Variants in SEPTIN9 observed in about 807,000 individuals in gnomAD.
SEPTIN9 encodes septin 9, also known as septin-9.
A neutral mutation model predicts 56.6 loss-of-function variants in SEPTIN9; 13 were observed. The ratio of observed to expected loss-of-function variants is 0.23; its 90% CI spans 0.15 to 0.37. The LOEUF is 0.37. Ranked by LOEUF, SEPTIN9 falls within the 10% of genes least tolerant of loss-of-function variation. The probability of loss-of-function intolerance (pLI) is 1.00; values close to 1 mark genes in which losing one functional copy is unlikely to be tolerated. For synonymous variants in SEPTIN9, 332 were observed against 334.1 expected (o/e 0.99, Z 0.07); for missense variants, 650 against 823.1 (o/e 0.79, Z 2.57).
At position 77,400,657 on chromosome 17, in the gene SEPTIN9, C is replaced by G. The variant is rs2035868165; in HGVS notation, c.77-1402C>G. On this transcript the variant is annotated intron_variant, in intron 2 of 11. Coordinates refer to ENST00000427177, the MANE Select transcript of SEPTIN9 (RefSeq NM_001113491.2). The surrounding 1 kb of genome is among the most constrained non-coding windows in gnomAD (Gnocchi z 4.1). The stretch of plus-strand genomic sequence containing the variant: ...TGGGGGCTGGGGACCAGCTGTCATC[C>G]CTTTTCCTGTGGGCAGGGGAGGCAG... 3 of 152,404 alleles carry G rather than the reference C, an allele frequency of 2.0e-5. No individual in the cohort carries two copies. The South Asian group carries it at 6.2e-4, about 31-fold the overall frequency. 9.4% of individuals were successfully genotyped at this position (152,404 alleles called of 1,614,324 possible). A position where few individuals can be genotyped will look rare whatever the true frequency, so the allele number is the denominator to read the frequency against.
At chr17:77,477,777 A>AG (rs1372460676) in intron 3 of SEPTIN9, among the ~76,000 whole-genome samples, 1 of 152,198 alleles carries the variant, frequency 6.6e-6, no homozygotes, top group Non-Finnish European at 1.5e-5. Flanking sequence ...CGGAGCCGGG[A>AG]GGGAAGCTCT....
chr17:77,377,414 A>C (rs1316109702), intron 2 of SEPTIN9, among the ~76,000 whole-genome samples: 1 of 152,108 alleles, frequency 6.6e-6, no homozygotes, highest in East Asian at 1.9e-4. Flanking sequence ...AAGCCTTTCC[A>C]AGTACCAGCT....
chr17:77,350,243 C>A (rs420174), intron 2 of SEPTIN9, among the ~76,000 whole-genome samples: 124,045 of 151,700 alleles, frequency 0.82, 51,314 homozygotes, highest in East Asian at 0.99. Context: ...CAGGGTTGGG[C>A]GGGAAGCCTG....
rs547519623 is a variant in SEPTIN9, at chr17:77,319,020, G to A, written c.76+11823G>A. 6.6e-5 allele frequency among the ~76,000 whole-genome samples: 10 copies of A among 152,360 alleles called. No individual in the cohort carries two copies. The highest frequency in any genetic ancestry group is 1.3e-4 in the Admixed American group (2 of 15,308). On this transcript the variant is annotated intron_variant, in intron 2 of 11. Coordinates refer to ENST00000427177, the MANE Select transcript of SEPTIN9 (RefSeq NM_001113491.2). This position sits in a 1 kb window ranked among gnomAD's most constrained non-coding sequence, Gnocchi z 5.3. ...TGTGCGGCCAGGCAGGAAGGCTTCC[G>A]TGGTGCGGCCACGCGTCCTCCCTTT... is the stretch of plus-strand genomic sequence containing the variant.
At position 77,499,038 on chromosome 17, in the gene SEPTIN9, C is replaced by T; in HGVS notation, c.*380C>T. On this transcript the variant is annotated 3_prime_UTR_variant, in exon 12 of 12. Coordinates refer to ENST00000427177, the MANE Select transcript of SEPTIN9 (RefSeq NM_001113491.2). Reference sequence around the variant, plus strand: ...GGGTGGGGGCCAGGCCTCGCACTTGCAGAGGAGCCCAGTGGGCTGCACGCT... The same window carrying T: ...GGGTGGGGGCCAGGCCTCGCACTTGTAGAGGAGCCCAGTGGGCTGCACGCT... 1.9e-6 allele frequency: 1 copy of T among 538,182 alleles called. No individual in the cohort carries two copies. Among genetic ancestry groups the T allele is most frequent in the South Asian group, 1.5e-5 (1 of 65,246 alleles). 33.3% of individuals were successfully genotyped at this position (538,182 alleles called of 1,614,324 possible).
In SEPTIN9 at chr17:77,499,061, G is replaced by T. The variant is rs1028736265; in HGVS notation, c.*403G>T. The T allele has an allele frequency of 1.9e-6, 1 of 536,866 alleles. No individual in the cohort carries two copies. Among genetic ancestry groups the T allele is most frequent in the South Asian group, 1.5e-5 (1 of 65,204 alleles). The allele number at this position is 536,866 out of a possible 1,614,324, so 33.3% of individuals were successfully genotyped here. On this transcript the variant is annotated 3_prime_UTR_variant, in exon 12 of 12. Coordinates refer to ENST00000427177, the MANE Select transcript of SEPTIN9 (RefSeq NM_001113491.2). ...TGCAGAGGAGCCCAGTGGGCTGCACGCTCCCCTCCATCCCCATCGGCCCTG... is the reference window on the plus strand; with the variant it reads ...TGCAGAGGAGCCCAGTGGGCTGCACTCTCCCCTCCATCCCCATCGGCCCTG...
In SEPTIN9 at chr17:77,433,569, T is replaced by C. The variant is rs1358892905; in HGVS notation, c.721+30866T>C. ...AGGCCCAGCATGGCCATGCCGGAAA[T>C]AGCAGCATCGTCCCCCTCACTGTCC... is the stretch of plus-strand genomic sequence containing the variant. On this transcript the variant is annotated intron_variant, in intron 3 of 11. Transcript: ENST00000427177. This position sits in a 1 kb window ranked among gnomAD's most constrained non-coding sequence, Gnocchi z 6.4. Among the ~76,000 whole-genome samples the C allele has an allele frequency of 1.3e-5, 2 of 151,002 alleles. No homozygotes were observed. The highest frequency in any genetic ancestry group is 3.0e-5 in the Non-Finnish European group (2 of 67,750).
Position 77,399,024 on chromosome 17 carries a change from TG to T in SEPTIN9, c.77-3033del, listed in dbSNP as rs142302429. ...GGCACACATGTGCATTTTGCGCAGA[TG>T]GCCAAGGTGGTGAGGCGCCAGCCAC... On this transcript the variant is annotated intron_variant, in intron 2 of 11. Coordinates refer to ENST00000427177, the MANE Select transcript of SEPTIN9 (RefSeq NM_001113491.2). Among the ~76,000 whole-genome samples the T allele has an allele frequency of 5.9e-3, 893 of 152,282 alleles. 10 individuals are homozygous for T. The highest frequency in any genetic ancestry group is 0.02 in the African/African-American group (849 of 41,552).
rs566509630 is a variant in SEPTIN9 at position 77,434,601 on chromosome 17, C to T, written c.721+31898C>T. On this transcript the variant is annotated intron_variant, in intron 3 of 11. Transcript: ENST00000427177. This position sits in a 1 kb window ranked among gnomAD's most constrained non-coding sequence, Gnocchi z 5.0. ...AGGTAGTCCCCTGTGGTTGAAGGTGCCCTGGCAGGACCTGCACCATGACCC... is the reference window on the plus strand; with the variant it reads ...AGGTAGTCCCCTGTGGTTGAAGGTGTCCTGGCAGGACCTGCACCATGACCC... 2.0e-5 allele frequency among the ~76,000 whole-genome samples: 3 copies of T among 152,278 alleles called. No homozygotes were observed. The highest frequency in any genetic ancestry group is 6.5e-5 in the Admixed American group (1 of 15,310).
Position 77,423,649 on chromosome 17 carries a change from C to A in SEPTIN9, c.721+20946C>A, listed in dbSNP as rs569533096. ...CAGCGCCTCCCCTTCCCCGGCTCCG[C>A]GCGGAGATCACGTGGCTTGCGCTGA... On this transcript the variant is annotated intron_variant, in intron 3 of 11. Transcript: ENST00000427177. 1.3e-4 allele frequency among the ~76,000 whole-genome samples: 20 copies of A among 152,326 alleles called. No individual in the cohort carries two copies. The South Asian group carries it at 4.1e-3, about 32-fold the overall frequency.
At chr17:77,482,625 T>A in intron 4 of SEPTIN9, 1 of 635,430 alleles carries the variant, frequency 1.6e-6, no homozygotes, top group East Asian at 2.7e-5. Context: ...TCGCTGCCTC[T>A]GAGCAATGAC....
chr17:77,409,613 C>A (rs910189067), intron 3 of SEPTIN9, among the ~76,000 whole-genome samples: 2 of 152,226 alleles, frequency 1.3e-5, no homozygotes, highest in African/African-American at 4.8e-5. Context: ...GGAGCCCCGG[C>A]CCCCAGACAC....
chr17:77,451,423 G>A lies in SEPTIN9; in HGVS notation c.722-30721G>A. 1.0e-6 allele frequency: 1 copy of A among 985,618 alleles called. No homozygotes were observed. The allele number at this position is 985,618 out of a possible 1,614,324, so 61.1% of individuals were successfully genotyped here. On this transcript the variant is annotated intron_variant, in intron 3 of 11. Coordinates refer to ENST00000427177, the MANE Select transcript of SEPTIN9 (RefSeq NM_001113491.2). This position sits in a 1 kb window ranked among gnomAD's most constrained non-coding sequence, Gnocchi z 4.2. Reference sequence around the variant, plus strand: ...CGCTCTGGGAGGCTCCTTGTTCCGCGACCACAAAGCCCCTTTGATCCTCTG... The same window carrying A: ...CGCTCTGGGAGGCTCCTTGTTCCGCAACCACAAAGCCCCTTTGATCCTCTG...
chr17:77,451,521 C>G lies in SEPTIN9; in HGVS notation c.722-30623C>G. 3.0e-6 allele frequency: 3 copies of G among 985,816 alleles called. No homozygotes were observed. Among genetic ancestry groups the G allele is most frequent in the South Asian group, 9.4e-5 (2 of 21,298 alleles). 61.1% of individuals were successfully genotyped at this position (985,816 alleles called of 1,614,324 possible). ...GCGTCCAGCGCAGCCCGACGTTCCG[C>G]TGCTGGGGTGAGTCCTGCTCCTTTG... On this transcript the variant is annotated intron_variant, in intron 3 of 11. Transcript: ENST00000427177. The surrounding 1 kb of genome is among the most constrained non-coding windows in gnomAD (Gnocchi z 4.2).
chr17:77,443,638 C>CA (rs906700080), intron 3 of SEPTIN9, among the ~76,000 whole-genome samples: 21 of 150,210 alleles, frequency 1.4e-4, no homozygotes, highest in South Asian at 4.2e-4. Context: ...GCTAAAAATA[C>CA]AAAAAAAAAT....
In SEPTIN9 at chr17:77,490,653, C is replaced by G. The variant is rs541104784; in HGVS notation, c.1263-89C>G. Reference sequence around the variant, plus strand: ...GACCCCCGTGAGCCCCGAGCCAGCACCTGAGAGTGTCGACACCTGCTTGGG... The same window carrying G: ...GACCCCCGTGAGCCCCGAGCCAGCAGCTGAGAGTGTCGACACCTGCTTGGG... On this transcript the variant is annotated intron_variant, in intron 7 of 11. Transcript: ENST00000427177. The G allele has an allele frequency of 2.0e-4, 207 of 1,041,930 alleles. No homozygotes were observed. In the South Asian group the frequency reaches 2.7e-3, roughly 14 times the overall value. 64.5% of individuals were successfully genotyped at this position (1,041,930 alleles called of 1,614,324 possible).
At chr17:77,343,208 AG>A (rs1177318997) in intron 2 of SEPTIN9, among the ~76,000 whole-genome samples, 3 of 152,196 alleles carry the variant, frequency 2.0e-5, no homozygotes, top group Non-Finnish European at 2.9e-5. Flanking sequence ...TGTGATTAGA[AG>A]GCTAGAACTT....
At chr17:77,308,340 G>C (rs1330870475) in intron 2 of SEPTIN9, among the ~76,000 whole-genome samples, 2 of 152,246 alleles carry the variant, frequency 1.3e-5, no homozygotes, top group Non-Finnish European at 2.9e-5. Context: ...TTCAGAACAA[G>C]GTGAGACAGC....
At chr17:77,440,904 C>G (rs916908014) in intron 3 of SEPTIN9, among the ~76,000 whole-genome samples, 1 of 152,258 alleles carries the variant, frequency 6.6e-6, no homozygotes, top group African/African-American at 2.4e-5. Context: ...ATGAGATGGA[C>G]AGCTGGGTGG....
Sources: gnomAD v4.1 joint callset for allele counts (sites outside exome capture counted in the v4.1 genomes callset) on GRCh38, gnomAD v4.1.1 for gene constraint, Gnocchi (gnomAD v3.1) non-coding constraint, MANE v1.5 for transcripts, NCBI Gene and HGNC (gene_info 2026-07-23, HGNC 2026-07-21) for gene names.